HDAC9: variants seen among roughly 807,000 people sequenced by gnomAD.
HDAC9 encodes the protein histone deacetylase 9.
Under a neutral mutation model 139.4 loss-of-function variants are expected in HDAC9, and 41 were observed. That is an observed-to-expected ratio of 0.29 (90% CI 0.23 to 0.38). HDAC9 has a LOEUF of 0.38. Ranked by LOEUF, HDAC9 falls within the 10% of genes least tolerant of loss-of-function variation. HDAC9 has a pLI of 1.00. For missense variants in HDAC9, 1,147 were observed against 1,297.0 expected, an observed-to-expected ratio of 0.88 and a Z score of 1.78; for synonymous variants, 517 against 476.2, an observed-to-expected ratio of 1.09 and a Z score of -1.12.
intron 12 of HDAC9, among the ~76,000 whole-genome samples, chr7:18,722,077 T>G (rs1170605512): frequency 6.6e-6 from 1 of 152,176 alleles, no homozygotes; most frequent in East Asian, 1.9e-4. Context: ...TCAGTGGGAG[T>G]GGACAGATGT....
At chr7:18,542,967 A>G (rs568997187) in intron 2 of HDAC9, among the ~76,000 whole-genome samples, 28 of 152,338 alleles carry the variant, frequency 1.8e-4, no homozygotes, top group African/African-American at 6.3e-4. Flanking sequence ...ATGTCATGCA[A>G]TATGTAGATA....
At chr7:18,951,007 T>TA (rs949186639) in intron 23 of HDAC9, among the ~76,000 whole-genome samples, 4 of 151,842 alleles carry the variant, frequency 2.6e-5, no homozygotes, top group East Asian at 1.9e-4. Context: ...GTCATGCAAA[T>TA]AAAAAAAATC....
chr7:18,834,144 G>T (rs1019679420), intron 19 of HDAC9, among the ~76,000 whole-genome samples: 2 of 152,264 alleles, frequency 1.3e-5, no homozygotes, highest in African/African-American at 4.8e-5. Flanking sequence ...TTTATATAGT[G>T]CCTGACTTAA....
intron 21 of HDAC9, among the ~76,000 whole-genome samples, chr7:18,869,187 T>TGTGTGTGTGTGTGTGTGTGTG (rs1798724705): frequency 7.3e-6 from 1 of 136,688 alleles, no homozygotes; most frequent in African/African-American, 2.7e-5. Flanking sequence ...TGTGTGTGTG[T>TGTGTGTGTGTGTGTGTGTGTG]TGCGGTAGGG....
At chr7:18,119,316 A>T (rs1334371303) in intron 1 of HDAC9, among the ~76,000 whole-genome samples, 2 of 152,224 alleles carry the variant, frequency 1.3e-5, no homozygotes, top group Non-Finnish European at 2.9e-5. Context: ...AGCAAGCAGC[A>T]GTGTTGGAAT....
At chr7:18,219,988 G>A (rs767120071) in intron 2 of HDAC9, among the ~76,000 whole-genome samples, 1 of 152,042 alleles carries the variant, frequency 6.6e-6, no homozygotes, top group African/African-American at 2.4e-5. Context: ...AATACATTTT[G>A]CCAGATTTGC....
At chr7:18,140,633 A>G (rs1785831486) in intron 1 of HDAC9, among the ~76,000 whole-genome samples, 1 of 152,204 alleles carries the variant, frequency 6.6e-6, no homozygotes, top group Non-Finnish European at 1.5e-5. Flanking sequence ...AATTATGATA[A>G]CAGATTTTTA....
chr7:18,875,075 C>T, intron 22 of HDAC9, among the ~76,000 whole-genome samples: 1 of 152,146 alleles, frequency 6.6e-6, no homozygotes, highest in East Asian at 1.9e-4. Context: ...CTATGGGCAA[C>T]CCTCATAATC....
At chr7:18,390,095 C>CACAT (rs1554401598) in intron 1 of HDAC9, among the ~76,000 whole-genome samples, 2 of 148,056 alleles carry the variant, frequency 1.4e-5, no homozygotes, top group Admixed American at 1.3e-4. Context: ...CACACACACA[C>CACAT]GTCGTAGAGA....
chr7:18,912,810 C>T (rs13232564), intron 22 of HDAC9, among the ~76,000 whole-genome samples: 23,407 of 152,040 alleles, frequency 0.15, 2,231 homozygotes, highest in East Asian at 0.35. Context: ...CCCTATTACT[C>T]AGAAGTTTGG....
intron 2 of HDAC9, among the ~76,000 whole-genome samples, chr7:18,222,820 C>T (rs1343497066): frequency 6.6e-6 from 1 of 152,084 alleles, no homozygotes; most frequent in Admixed American, 6.6e-5. Flanking sequence ...ATTTTAATAA[C>T]AGTATGAAGA....
At chr7:18,103,930 G>A (rs568751204) in intron 1 of HDAC9, among the ~76,000 whole-genome samples, 6 of 152,170 alleles carry the variant, frequency 3.9e-5, no homozygotes, top group Non-Finnish European at 7.3e-5. Flanking sequence ...GGCCAGAGCC[G>A]ATCCCAGCAG....
intron 2 of HDAC9, among the ~76,000 whole-genome samples, chr7:18,210,783 A>G (rs1204615070): frequency 6.6e-6 from 1 of 152,234 alleles, no homozygotes; most frequent in African/African-American, 2.4e-5. Flanking sequence ...ATTTATTTGT[A>G]ATGAAATAAT....
In HDAC9 at chr7:18,996,743, A is replaced by C. The variant is rs1314064350; in HGVS notation, c.*681A>C. 1 of 152,100 alleles carries C rather than the reference A, an allele frequency of 6.6e-6. No individual in the cohort carries two copies. Among genetic ancestry groups the C allele is most frequent in the Non-Finnish European group, 1.5e-5 (1 of 68,034 alleles). The allele number at this position is 152,100 out of a possible 1,614,324, so 9.4% of individuals were successfully genotyped here. A position where few individuals can be genotyped will look rare whatever the true frequency, so the allele number is the denominator to read the frequency against. On this transcript the variant is annotated 3_prime_UTR_variant, in exon 26 of 26. Transcript: ENST00000686413. ...ACTGTTTGTAATGGTGCAATATTTT[A>C]TATCACTTTTTTTTAAACATCCCCA...
intron 2 of HDAC9, among the ~76,000 whole-genome samples, chr7:18,523,759 C>T (rs1805849288): frequency 6.6e-6 from 1 of 151,936 alleles, no homozygotes; most frequent in Admixed American, 6.6e-5. Flanking sequence ...GAAAGGTGCA[C>T]CATCACATAG....
At chr7:18,887,780 T>G (rs1800297341) in intron 22 of HDAC9, among the ~76,000 whole-genome samples, 2 of 152,226 alleles carry the variant, frequency 1.3e-5, no homozygotes, top group Admixed American at 1.3e-4. Flanking sequence ...TTAGTTATTT[T>G]TGTTGGTTTT....
intron 1 of HDAC9, among the ~76,000 whole-genome samples, chr7:18,118,199 C>G (rs1404494084): frequency 1.3e-5 from 2 of 152,176 alleles, no homozygotes; most frequent in Non-Finnish European, 2.9e-5. Flanking sequence ...ACAAATGAGC[C>G]AAGTAATCAC....
intron 1 of HDAC9, among the ~76,000 whole-genome samples, chr7:18,317,248 AAGACTCATG>A (rs1293460210): frequency 1.3e-5 from 2 of 151,960 alleles, no homozygotes; most frequent in African/African-American, 4.8e-5. Flanking sequence ...GCCATATTAA[AAGACTCATG>A]AGTGTAGTAA....
intron 17 of HDAC9, among the ~76,000 whole-genome samples, chr7:18,793,917 G>T (rs1657888286): frequency 6.6e-6 from 1 of 152,138 alleles, no homozygotes; most frequent in African/African-American, 2.4e-5. Context: ...TTGATTAGAA[G>T]GGTAATGATC....
Sources: gnomAD v4.1 joint callset for allele counts (sites outside exome capture counted in the v4.1 genomes callset) on GRCh38, gnomAD v4.1.1 for gene constraint, MANE v1.5 for transcripts, NCBI Gene and HGNC (gene_info 2026-07-23, HGNC 2026-07-21) for gene names.